The following IHO1 variants were observed in gnomAD, a reference collection of about 807,000 sequenced individuals.
IHO1 encodes interactor of HORMAD1 protein 1.
IHO1 carries 13 observed loss-of-function variants against 31.0 expected under a neutral mutation model. The observed-to-expected ratio is 0.42, with a 90% CI of 0.27 to 0.67. The LOEUF (loss-of-function observed/expected upper bound fraction) is 0.67, where lower values mean the gene tolerates loss of function less well. Ranked by LOEUF, IHO1 falls within the 30% of genes least tolerant of loss-of-function variation. IHO1 has a pLI of 0.24. For synonymous variants in IHO1, 221 were observed against 248.4 expected (o/e 0.89, Z 1.04); for missense variants, 599 against 687.5 (o/e 0.87, Z 1.44).
At position 49,256,114 on chromosome 3, in the gene IHO1, C is replaced by T. The variant is rs541179965; in HGVS notation, c.637-20C>T. 1.9e-6 allele frequency: 3 copies of T among 1,581,930 alleles called. No individual in the cohort carries two copies. In the South Asian group the frequency reaches 3.5e-5, roughly 19 times the overall value. On this transcript the variant is annotated intron_variant, in intron 7 of 7. Transcript: ENST00000452691. The surrounding 1 kb of genome is among the most constrained non-coding windows in gnomAD (Gnocchi z 4.6). ...ACTTGCACTGTCCATCACTGTCTTTCTCACTGCCTCTCTCCCCAGAGACAA... is the reference window on the plus strand; with the variant it reads ...ACTTGCACTGTCCATCACTGTCTTTTTCACTGCCTCTCTCCCCAGAGACAA...
At chr3:49,214,408 C>G (rs181556392) in intron 2 of IHO1, among the ~76,000 whole-genome samples, 3 of 151,428 alleles carry the variant, frequency 2.0e-5, no homozygotes, top group African/African-American at 7.3e-5. Context: ...AGTGAGTATG[C>G]CTGAGAAGTA....
At chr3:49,195,468 A>T (rs1250807549), upstream of IHO1, among the ~76,000 whole-genome samples, 8 of 150,898 alleles carry the variant, frequency 5.3e-5, 1 homozygote, top group African/African-American at 1.9e-4. Context: ...CAGTAATCCC[A>T]GCACTTTGGG....
In IHO1 at chr3:49,236,625, C is replaced by T. The variant is rs763674801; in HGVS notation, c.134C>T (p.Ser45Phe). ...AGTGATTCCCAGTTCCTCTTTGGAT[C>T]TCAGTTCTGTCCAGAAAATTCAGAA... ...SLSDSQFLFGSQFCPENSETL... is the reference protein window; with the variant it reads ...SLSDSQFLFGFQFCPENSETL... The change falls in exon 3 of 8, where the codon TCT becomes TTT. Residue 45 changes from serine (S) to phenylalanine (F), a missense_variant. Ser to Phe is a radical substitution (Grantham distance 155). Coordinates refer to ENST00000452691, the MANE Select transcript of IHO1 (RefSeq NM_001135197.2). 2.5e-6 allele frequency: 4 copies of T among 1,613,532 alleles called. No individual in the cohort carries two copies. The Admixed American group carries it at 6.7e-5, about 27-fold the overall frequency.
intron 2 of IHO1, among the ~76,000 whole-genome samples, chr3:49,232,675 G>A (rs540191305): frequency 7.8e-4 from 119 of 152,232 alleles, no homozygotes; most frequent in African/African-American, 2.7e-3. Flanking sequence ...AACACCCATC[G>A]AACACAGCCA....
At chr3:49,216,184 G>A (rs924036430) in intron 2 of IHO1, among the ~76,000 whole-genome samples, 3 of 152,180 alleles carry the variant, frequency 2.0e-5, no homozygotes, top group Non-Finnish European at 4.4e-5. Flanking sequence ...ACAGGGACCA[G>A]TTTGTGGAAG....
intron 2 of IHO1, chr3:49,213,933 G>A (rs761551919): frequency 2.4e-6 from 1 of 411,900 alleles, no homozygotes; most frequent in South Asian, 1.7e-5. Context: ...GGCCAGAGTG[G>A]ACGCCAAGGC....
intron 1 of IHO1, among the ~76,000 whole-genome samples, chr3:49,200,093 G>A (rs897637448): frequency 1.3e-5 from 2 of 152,186 alleles, no homozygotes; most frequent in Non-Finnish European, 2.9e-5. Flanking sequence ...CCTGAAGTCT[G>A]AGTAAGAGAC....
Position 49,257,638 on chromosome 3 carries a change from T to C in IHO1, c.*356T>C, listed in dbSNP as rs1405733527. 2 of 192,534 alleles carry C rather than the reference T, an allele frequency of 1.0e-5. No homozygotes were observed. Among genetic ancestry groups the C allele is most frequent in the African/African-American group, 2.4e-5 (1 of 42,500 alleles). The allele number at this position is 192,534 out of a possible 1,614,324, so 11.9% of individuals were successfully genotyped here. A position where few individuals can be genotyped will look rare whatever the true frequency, so the allele number is the denominator to read the frequency against. ...TAGCAGAAGGGCTCTCATAAAACTG[T>C]TGCGGTGGCAGCATGACTCCAAACA... On this transcript the variant is annotated 3_prime_UTR_variant, in exon 8 of 8. Transcript: ENST00000452691.
chr3:49,247,459 T>C (rs2046708717), intron 6 of IHO1, among the ~76,000 whole-genome samples: 1 of 151,236 alleles, frequency 6.6e-6, no homozygotes, highest in Non-Finnish European at 1.5e-5. Flanking sequence ...TTTGAACTCC[T>C]GACCTCAGGT....
chr3:49,228,827 A>T (rs2107709564), intron 2 of IHO1, among the ~76,000 whole-genome samples: 1 of 152,352 alleles, frequency 6.6e-6, no homozygotes, highest in African/African-American at 2.4e-5. Flanking sequence ...AAAAGAACAA[A>T]GTTTCCACAG....
chr3:49,233,651 C>T (rs890847527), intron 2 of IHO1, among the ~76,000 whole-genome samples: 3 of 152,218 alleles, frequency 2.0e-5, no homozygotes, highest in African/African-American at 7.2e-5. Flanking sequence ...GACAAAGCTA[C>T]CTTTGCTTTT....
chr3:49,256,478 T>C lies in IHO1; in HGVS notation c.981T>C (p.Asn327=), dbSNP rs767106013. 1 of 1,614,108 alleles carries C rather than the reference T, an allele frequency of 6.2e-7. No individual in the cohort carries two copies. Among genetic ancestry groups the C allele is most frequent in the South Asian group, 1.1e-5 (1 of 91,076 alleles). The change falls in exon 8 of 8, where the codon AAT becomes AAC. Residue 327 remains asparagine (N), a synonymous_variant. Transcript: ENST00000452691. The surrounding 1 kb of genome is among the most constrained non-coding windows in gnomAD (Gnocchi z 4.6). ...ATGTCTGGGGTGAAGGAGCAAAGAA[T>C]GATGATCTCCAAGAAGAGGCTGCAC... The part of the protein sequence containing the change: ...EFDVWGEGAK[N]DDLQEEAALP...
chr3:49,229,340 G>A (rs961254894), intron 2 of IHO1, among the ~76,000 whole-genome samples: 5 of 152,178 alleles, frequency 3.3e-5, no homozygotes, highest in Non-Finnish European at 5.9e-5. Context: ...CCTTGCCAGC[G>A]GTGATGATAG....
rs763426641 is a variant in IHO1, at chr3:49,256,865, C to T, written c.1368C>T (p.Leu456=). Residue 456 remains leucine (L), a synonymous_variant, in exon 8 of 8, where the codon CTC becomes CTT. Coordinates refer to ENST00000452691, the MANE Select transcript of IHO1 (RefSeq NM_001135197.2). The surrounding 1 kb of genome is among the most constrained non-coding windows in gnomAD (Gnocchi z 4.6). ...CCCACAGGGCCCACAGAGGCAGGCTCATAGCCAGCAAGCAAAAACAAATCC... is the reference window on the plus strand; with the variant it reads ...CCCACAGGGCCCACAGAGGCAGGCTTATAGCCAGCAAGCAAAAACAAATCC... ...RKAHRAHRGR[L]IASKQKQIPI... 36 of 1,614,100 alleles carry T rather than the reference C, an allele frequency of 2.2e-5. No homozygotes were observed. Among genetic ancestry groups the T allele is most frequent in the Non-Finnish European group, 2.9e-5 (34 of 1,180,044 alleles).
intron 1 of IHO1, among the ~76,000 whole-genome samples, chr3:49,200,197 G>A (rs1377205529): frequency 2.0e-5 from 3 of 152,158 alleles, no homozygotes; most frequent in Admixed American, 1.3e-4. Context: ...GCAGTAGGCC[G>A]GCTGCGGTGG....
chr3:49,218,445 A>G (rs1191477537), intron 2 of IHO1, among the ~76,000 whole-genome samples: 1 of 143,426 alleles, frequency 7.0e-6, no homozygotes, highest in Non-Finnish European at 1.5e-5. Flanking sequence ...CAGTGGATGC[A>G]ATCTTGGCTC....
chr3:49,238,886 A>C (rs1559448868), intron 3 of IHO1, among the ~76,000 whole-genome samples: 1 of 152,008 alleles, frequency 6.6e-6, no homozygotes, highest in Non-Finnish European at 1.5e-5. Flanking sequence ...AGGAGAGGGG[A>C]CTCTGGAGCA....
At chr3:49,218,250 G>T (rs1166710694) in intron 2 of IHO1, among the ~76,000 whole-genome samples, 1 of 151,872 alleles carries the variant, frequency 6.6e-6, no homozygotes, top group African/African-American at 2.4e-5. Context: ...TGCAAAGAAG[G>T]ACAGCTCCGG....
chr3:49,210,961 G>A (rs1265292683), intron 1 of IHO1, among the ~76,000 whole-genome samples: 2 of 149,926 alleles, frequency 1.3e-5, no homozygotes, highest in Admixed American at 6.7e-5. Flanking sequence ...CTCCCAAAGT[G>A]CTGGGATTAC....
Sources: gnomAD v4.1 joint callset for allele counts (sites outside exome capture counted in the v4.1 genomes callset) on GRCh38, gnomAD v4.1.1 for gene constraint, Gnocchi (gnomAD v3.1) non-coding constraint, MANE v1.5 for transcripts, NCBI Gene and HGNC (gene_info 2026-07-23, HGNC 2026-07-21) for gene names.